Variants in ST8SIA1 observed in about 807,000 individuals in gnomAD.
ST8SIA1 encodes ST8 alpha-N-acetyl-neuraminide alpha-2,8-sialyltransferase 1.
ST8SIA1 carries 16 observed loss-of-function variants against 35.9 expected under a neutral mutation model. The ratio of observed to expected loss-of-function variants is 0.45; its 90% confidence interval spans 0.30 to 0.68. ST8SIA1 has a LOEUF of 0.68. ST8SIA1 is among the 30% of genes least tolerant of loss of function. ST8SIA1 has a pLI of 0.09. For missense variants in ST8SIA1, 383 were observed against 453.6 expected, an observed-to-expected ratio of 0.84 and a Z score of 1.41; for synonymous variants, 170 against 169.6, an observed-to-expected ratio of 1.00 and a Z score of -0.02.
Position 22,334,361 on chromosome 12 carries a change from CGCACGCT to C in ST8SIA1, c.-136_-130del. ...TTTGGTTCTCTTACTTGCAAACGCA[CGCACGCT>C]TCTTCGGCCCCGTCGGCCCCAAAGG... On this transcript the variant is annotated 5_prime_UTR_variant, in exon 1 of 5. Transcript: ENST00000396037. 1.5e-6 allele frequency: 1 copy of C among 680,956 alleles called. No individual in the cohort carries two copies. Among genetic ancestry groups the C allele is most frequent in the Non-Finnish European group, 2.5e-6 (1 of 408,048 alleles). The allele number at this position is 680,956 out of a possible 1,614,324, so 42.2% of individuals were successfully genotyped here.
At chr12:22,223,346 T>C (rs2120668022) in intron 4 of ST8SIA1, 1 of 176,648 alleles carries the variant, frequency 5.7e-6, no homozygotes, top group Non-Finnish European at 1.1e-5. Flanking sequence ...TTTCTTATAA[T>C]TTGAATGTTT....
intron 1 of ST8SIA1, among the ~76,000 whole-genome samples, chr12:22,317,081 T>C (rs74068563): frequency 2.9e-4 from 44 of 152,274 alleles, no homozygotes; most frequent in African/African-American, 1.0e-3. Context: ...GCAAAAAACA[T>C]GTTTCCAAGG....
intron 2 of ST8SIA1, chr12:22,268,756 C>G (rs1318209765): frequency 5.9e-5 from 9 of 152,174 alleles, no homozygotes; most frequent in Non-Finnish European, 1.3e-4. Flanking sequence ...CCTGGTCCCT[C>G]CCTTACATGT....
chr12:22,216,319 C>T (rs1444654352), intron 4 of ST8SIA1, among the ~76,000 whole-genome samples: 1 of 152,142 alleles, frequency 6.6e-6, no homozygotes, highest in Non-Finnish European at 1.5e-5. Context: ...ATGATATAAT[C>T]CCTGCCTACA....
At chr12:22,315,014 T>A (rs1224102685) in intron 1 of ST8SIA1, among the ~76,000 whole-genome samples, 1 of 152,128 alleles carries the variant, frequency 6.6e-6, no homozygotes, top group Non-Finnish European at 1.5e-5. Flanking sequence ...CATGACTGTT[T>A]CTCTGCCAAT....
At chr12:22,292,955 G>A (rs1866197146) in intron 1 of ST8SIA1, among the ~76,000 whole-genome samples, 1 of 152,154 alleles carries the variant, frequency 6.6e-6, no homozygotes, top group South Asian at 2.1e-4. Context: ...GAAGAAAAAA[G>A]ACAGTGTTAG....
At position 22,293,573 on chromosome 12, in the gene ST8SIA1, C is replaced by T. The variant is rs1866206440; in HGVS notation, c.237-6280G>A. ...TGGGTTAATGTCACAGAGCCTGATT[C>T]ATGACTGAAAATGTTCCCAAGCCTC... is the stretch of plus-strand genomic sequence containing the variant. On this transcript the variant is annotated intron_variant, in intron 1 of 4. Transcript: ENST00000396037. 2.0e-5 allele frequency among the ~76,000 whole-genome samples: 3 copies of T among 152,178 alleles called. No individual in the cohort carries two copies. The South Asian group carries it at 6.2e-4, about 32-fold the overall frequency.
At chr12:22,264,415 G>C (rs1430300470) in intron 2 of ST8SIA1, among the ~76,000 whole-genome samples, 1 of 152,152 alleles carries the variant, frequency 6.6e-6, no homozygotes, top group Non-Finnish European at 1.5e-5. Flanking sequence ...TTCCTAGCGA[G>C]CATGGTGCCC....
intron 4 of ST8SIA1, among the ~76,000 whole-genome samples, chr12:22,211,185 T>G (rs535973961): frequency 6.6e-6 from 1 of 152,364 alleles, no homozygotes; most frequent in East Asian, 1.9e-4. Context: ...GGAAGGAATC[T>G]GCAACCCTCC....
At chr12:22,207,880 C>T (rs927348655) in intron 4 of ST8SIA1, among the ~76,000 whole-genome samples, 1 of 152,006 alleles carries the variant, frequency 6.6e-6, no homozygotes, top group Admixed American at 6.5e-5. Context: ...CGCGGTGGCT[C>T]ACGCCTGTAA....
At chr12:22,247,797 G>A (rs969658343) in intron 4 of ST8SIA1, among the ~76,000 whole-genome samples, 17 of 151,700 alleles carry the variant, frequency 1.1e-4, no homozygotes, top group African/African-American at 4.1e-4. Context: ...TGACAGGCTA[G>A]AATAAAATAT....
chr12:22,212,391 A>C lies in ST8SIA1; in HGVS notation c.585-10353T>G, dbSNP rs191299826. Among the ~76,000 whole-genome samples, 429 of 152,246 alleles carry C rather than the reference A, an allele frequency of 2.8e-3. 2 individuals carry two copies. The highest frequency in any genetic ancestry group is 5.1e-3 in the Non-Finnish European group (345 of 68,010). On this transcript the variant is annotated intron_variant, in intron 4 of 4. Coordinates refer to ENST00000396037, the MANE Select transcript of ST8SIA1 (RefSeq NM_003034.4). ...GCTTACTGTCATTTTTCTGTCTCTG[A>C]GCAGCTGTTTGTTTACCCAGCTGTT...
Position 22,288,612 on chromosome 12 carries a change from C to G in ST8SIA1, c.237-1319G>C, listed in dbSNP as rs567120610. Among the ~76,000 whole-genome samples the G allele has an allele frequency of 9.2e-5, 14 of 152,276 alleles. No homozygotes were observed. In the East Asian group the frequency reaches 2.7e-3, roughly 29 times the overall value. On this transcript the variant is annotated intron_variant, in intron 1 of 4. Coordinates refer to ENST00000396037, the MANE Select transcript of ST8SIA1 (RefSeq NM_003034.4). ...CTGCCACACTGTGCCTCCCCTTGCA[C>G]TCTCTGAGATCTTCGTTGGCTTTGC...
intron 1 of ST8SIA1, among the ~76,000 whole-genome samples, chr12:22,333,384 T>C (rs1866794109): frequency 6.6e-6 from 1 of 152,218 alleles, no homozygotes; most frequent in African/African-American, 2.4e-5. Flanking sequence ...AATCAATTTG[T>C]GGTCAACAAG....
At chr12:22,221,886 G>A (rs1466976880) in intron 4 of ST8SIA1, among the ~76,000 whole-genome samples, 1 of 152,116 alleles carries the variant, frequency 6.6e-6, no homozygotes, top group East Asian at 1.9e-4. Context: ...ATAACGAATT[G>A]CATATGTTAC....
chr12:22,301,527 T>C (rs747566999), intron 1 of ST8SIA1, among the ~76,000 whole-genome samples: 26 of 152,162 alleles, frequency 1.7e-4, no homozygotes, highest in Non-Finnish European at 3.4e-4. Flanking sequence ...TTCTCCAGAA[T>C]TCAGAAACTA....
At chr12:22,219,067 C>T (rs145784461) in intron 4 of ST8SIA1, among the ~76,000 whole-genome samples, 1 of 151,826 alleles carries the variant, frequency 6.6e-6, no homozygotes, top group Non-Finnish European at 1.5e-5. Flanking sequence ...TTGGCTATGC[C>T]CTCTCTATAC....
At chr12:22,244,590 G>A (rs913448572) in intron 4 of ST8SIA1, among the ~76,000 whole-genome samples, 33 of 152,102 alleles carry the variant, frequency 2.2e-4, no homozygotes, top group African/African-American at 8.0e-4. Flanking sequence ...CCAAGTAGCT[G>A]GGACTACAGC....
intron 1 of ST8SIA1, among the ~76,000 whole-genome samples, chr12:22,306,740 A>G (rs766980230): frequency 6.6e-6 from 1 of 152,210 alleles, no homozygotes; most frequent in Admixed American, 6.5e-5. Context: ...ACCAGAAAAC[A>G]GGTCCTTCAG....
Sources: gnomAD v4.1 joint callset for allele counts (sites outside exome capture counted in the v4.1 genomes callset) on GRCh38, gnomAD v4.1.1 for gene constraint, MANE v1.5 for transcripts, NCBI Gene and HGNC (gene_info 2026-07-23, HGNC 2026-07-21) for gene names.